Variants in KALRN observed in about 807,000 individuals in gnomAD.
The protein encoded by KALRN is kalirin RhoGEF kinase.
A neutral mutation model predicts 353.7 loss-of-function variants in KALRN; 70 were observed. The observed-to-expected ratio is 0.20, with a 90% CI of 0.16 to 0.24. The LOEUF (loss-of-function observed/expected upper bound fraction) is 0.24, where lower values mean the gene tolerates loss of function less well. Ranked by LOEUF, KALRN falls within the 10% of genes least tolerant of loss-of-function variation. KALRN has a pLI of 1.00. For synonymous variants in KALRN, 1,391 were observed against 1,434.8 expected, an observed-to-expected ratio of 0.97 and a Z score of 0.69; for missense variants, 2,791 against 3,756.7, an observed-to-expected ratio of 0.74 and a Z score of 6.72.
At chr3:124,129,714 T>A (rs1180762872) in intron 1 of KALRN, among the ~76,000 whole-genome samples, 1 of 152,246 alleles carries the variant, frequency 6.6e-6, no homozygotes, top group Non-Finnish European at 1.5e-5. Context: ...ATTCACTCTA[T>A]CACCATGGCC....
chr3:124,630,856 T>C (rs114087326), intron 34 of KALRN, among the ~76,000 whole-genome samples: 2,266 of 152,298 alleles, frequency 0.015, 53 homozygotes, highest in African/African-American at 0.051. Flanking sequence ...AAACAAACTC[T>C]TGTTCTCCAA....
intron 51 of KALRN, among the ~76,000 whole-genome samples, chr3:124,684,396 A>G (rs1159148174): frequency 2.6e-5 from 4 of 152,222 alleles, no homozygotes; most frequent in Non-Finnish European, 5.9e-5. Context: ...CTCAATAAAA[A>G]GGAATATCAT....
chr3:124,110,417 A>G (rs541857651), intron 1 of KALRN, among the ~76,000 whole-genome samples: 5 of 150,064 alleles, frequency 3.3e-5, no homozygotes, highest in Non-Finnish European at 7.4e-5. Context: ...TGGTAAATAT[A>G]TTCCATTTTT....
At chr3:124,200,374 G>A (rs563892109) in intron 1 of KALRN, among the ~76,000 whole-genome samples, 9 of 152,192 alleles carry the variant, frequency 5.9e-5, no homozygotes, top group Admixed American at 3.3e-4. Flanking sequence ...GGAAATCCAG[G>A]ATCAAGGTGC....
At chr3:124,528,262 T>C (rs2067754987) in intron 33 of KALRN, among the ~76,000 whole-genome samples, 1 of 152,138 alleles carries the variant, frequency 6.6e-6, no homozygotes, top group Non-Finnish European at 1.5e-5. Flanking sequence ...AGGACAGAAC[T>C]CCAGGGGACC....
intron 26 of KALRN, 79 bp from the exon 27 acceptor site, chr3:124,477,166 C>T: frequency 9.9e-7 from 1 of 1,015,030 alleles, no homozygotes; most frequent in Non-Finnish European, 1.6e-6. Flanking sequence ...CTGTACAGCC[C>T]TTGCTGGGTC....
At chr3:124,679,316 C>T (rs1201248797) in intron 50 of KALRN, 142 bp from the exon 51 acceptor site, 1 of 676,924 alleles carries the variant, frequency 1.5e-6, no homozygotes, top group Non-Finnish European at 2.6e-6. Flanking sequence ...ATTCTCACCC[C>T]CACTTTAAAA....
At chr3:124,660,596 G>A (rs1009783919) in intron 43 of KALRN, among the ~76,000 whole-genome samples, 4 of 148,866 alleles carry the variant, frequency 2.7e-5, no homozygotes, top group East Asian at 2.0e-4. Flanking sequence ...CAGGAGAATC[G>A]CTTGAACCTA....
intron 2 of KALRN, among the ~76,000 whole-genome samples, chr3:124,233,491 G>A (rs2079410422): frequency 6.6e-6 from 1 of 152,162 alleles, no homozygotes; most frequent in Non-Finnish European, 1.5e-5. Flanking sequence ...GCTGGGCAGT[G>A]GTGGTGGTGC....
At chr3:124,152,351 G>A in intron 1 of KALRN, 3 of 1,196,078 alleles carry the variant, frequency 2.5e-6, no homozygotes, top group Non-Finnish European at 3.7e-6. Flanking sequence ...AAGATTTGAC[G>A]AAGGCGAAGA....
chr3:124,454,638 AT>A (rs2059123326), intron 21 of KALRN, among the ~76,000 whole-genome samples: 1 of 150,714 alleles, frequency 6.6e-6, no homozygotes, highest in African/African-American at 2.4e-5. Context: ...CAGGTGTCGC[AT>A]CCGTGGATTC....
intron 26 of KALRN, among the ~76,000 whole-genome samples, chr3:124,475,909 GATAA>G (rs1280814055): frequency 6.6e-6 from 1 of 151,720 alleles, no homozygotes; most frequent in African/African-American, 2.4e-5. Context: ...TATTAATGCT[GATAA>G]ATAATTTATG....
At chr3:124,267,654 A>G (rs2148912686) in intron 4 of KALRN, among the ~76,000 whole-genome samples, 1 of 152,346 alleles carries the variant, frequency 6.6e-6, no homozygotes, top group Middle Eastern at 3.4e-3. Flanking sequence ...CCTCCTGCCT[A>G]TGGCACCTCC....
At chr3:124,602,665 AG>A (rs2076925165) in intron 34 of KALRN, among the ~76,000 whole-genome samples, 1 of 152,212 alleles carries the variant, frequency 6.6e-6, no homozygotes, top group African/African-American at 2.4e-5. Context: ...AAGGGTCAGG[AG>A]GGATATACTC....
At chr3:124,633,695 G>A (rs992588101) in intron 35 of KALRN, among the ~76,000 whole-genome samples, 157 bp from the exon 36 acceptor site, 6 of 152,094 alleles carry the variant, frequency 3.9e-5, no homozygotes, top group African/African-American at 7.2e-5. Flanking sequence ...AAATAAGCAG[G>A]TGTATCCATG....
At chr3:124,256,400 G>C (rs1029035192) in intron 3 of KALRN, among the ~76,000 whole-genome samples, 2 of 152,200 alleles carry the variant, frequency 1.3e-5, no homozygotes, top group African/African-American at 2.4e-5. Context: ...AACTAAGACA[G>C]AGAAGGCAAA....
intron 44 of KALRN, 117 bp from the exon 45 acceptor site, chr3:124,661,734 T>C (rs2084903360): frequency 1.2e-6 from 1 of 804,124 alleles, no homozygotes; most frequent in South Asian, 1.4e-5. Flanking sequence ...CCAGCATCCC[T>C]TCCTAGAATA....
At chr3:124,194,970 TA>T (rs2075288120) in intron 1 of KALRN, among the ~76,000 whole-genome samples, 1 of 152,094 alleles carries the variant, frequency 6.6e-6, no homozygotes. Context: ...ATGGTAGGTA[TA>T]GGGGGGATGG....
At chr3:124,431,706 T>G (rs1482456351) in intron 16 of KALRN, among the ~76,000 whole-genome samples, 1 of 152,172 alleles carries the variant, frequency 6.6e-6, no homozygotes, top group African/African-American at 2.4e-5. Context: ...AAAAAAAAAA[T>G]TGTTAATGAG....
Sources: allele counts gnomAD v4.1 joint callset (sites outside exome capture counted in the v4.1 genomes callset), GRCh38; gene constraint gnomAD v4.1.1; transcripts MANE v1.5; gene names NCBI Gene and HGNC (gene_info 2026-07-23, HGNC 2026-07-21).